Variants in STXBP4 observed in about 807,000 individuals in gnomAD.
STXBP4 encodes the protein syntaxin-binding protein 4.
STXBP4 carries 55 observed loss-of-function variants against 76.1 expected under a neutral mutation model. The observed-to-expected ratio is 0.72, with a 90% CI of 0.58 to 0.91. The LOEUF (loss-of-function observed/expected upper bound fraction) is 0.91. Among genes scored for constraint, STXBP4 ranks in the 40% least tolerant of loss-of-function variants. STXBP4 has a pLI of 0.00. For missense variants in STXBP4, 618 were observed against 636.9 expected (o/e 0.97, Z 0.32); for synonymous variants, 201 against 220.2 (o/e 0.91, Z 0.77).
At chr17:55,086,634 C>T (rs1451404497) in intron 16 of STXBP4, among the ~76,000 whole-genome samples, 3 of 152,022 alleles carry the variant, frequency 2.0e-5, no homozygotes, top group Non-Finnish European at 1.5e-5. Flanking sequence ...TATGGAGACA[C>T]GCACACATAC....
intron 8 of STXBP4, among the ~76,000 whole-genome samples, chr17:55,011,365 C>T (rs1236282767): frequency 6.6e-6 from 1 of 151,758 alleles, no homozygotes; most frequent in African/African-American, 2.4e-5. Context: ...GAATCAGAAC[C>T]TTTGACATTG....
intron 17 of STXBP4, among the ~76,000 whole-genome samples, chr17:55,149,832 G>A (rs546636377): frequency 6.6e-6 from 1 of 152,300 alleles, no homozygotes; most frequent in South Asian, 2.1e-4. Flanking sequence ...GTCATGAAAT[G>A]AAAGACCAGG....
chr17:55,036,841 T>C (rs2078612691), intron 10 of STXBP4, among the ~76,000 whole-genome samples: 1 of 152,150 alleles, frequency 6.6e-6, no homozygotes, highest in Non-Finnish European at 1.5e-5. Flanking sequence ...TATGCTTTAC[T>C]GACAGGAAGT....
chr17:55,152,719 C>T (rs1287375884), intron 17 of STXBP4, among the ~76,000 whole-genome samples: 1 of 152,118 alleles, frequency 6.6e-6, no homozygotes, highest in Non-Finnish European at 1.5e-5. Context: ...TCACCTCCCT[C>T]CCTTGATACT....
chr17:55,160,478 T>C lies in STXBP4; in HGVS notation c.*567T>C, dbSNP rs545983390. The C allele has an allele frequency of 1.3e-5, 2 of 152,756 alleles. No homozygotes were observed. Among genetic ancestry groups the C allele is most frequent in the African/African-American group, 2.4e-5 (1 of 41,568 alleles). The allele number at this position is 152,756 out of a possible 1,614,324, so 9.5% of individuals were successfully genotyped here. A position where few individuals can be genotyped will look rare whatever the true frequency, so the allele number is the denominator to read the frequency against. ...TGTAGACCCCATTGTCTTTAAACCA[T>C]ACAACATGCCCGTGAAGCTGATCTG... is the stretch of plus-strand genomic sequence containing the variant. On this transcript the variant is annotated 3_prime_UTR_variant, in exon 18 of 18. Transcript: ENST00000376352.
chr17:55,156,091 T>A (rs1220566466), intron 17 of STXBP4, among the ~76,000 whole-genome samples: 2 of 152,334 alleles, frequency 1.3e-5, no homozygotes, highest in East Asian at 3.9e-4. Flanking sequence ...ATGCACTGTC[T>A]CTTTAGGAGA....
intron 16 of STXBP4, among the ~76,000 whole-genome samples, chr17:55,090,533 A>G (rs1245690667): frequency 6.6e-6 from 1 of 152,160 alleles, no homozygotes; most frequent in African/African-American, 2.4e-5. Flanking sequence ...GGGTCTACAC[A>G]TTCTTTAAAA....
chr17:55,078,340 A>G (rs1269825344), intron 14 of STXBP4, 146 bp downstream of exon 14: 1 of 600,512 alleles, frequency 1.7e-6, no homozygotes, highest in South Asian at 2.3e-5. Context: ...TTAGAACTGC[A>G]TACATGATGA....
the STXBP4 span, among the ~76,000 whole-genome samples, chr17:55,185,368 T>TC: frequency 2.2e-5 from 3 of 133,778 alleles, no homozygotes; most frequent in African/African-American, 8.0e-5. Context: ...TCCTTCTCCT[T>TC]CTTCTTCTTC....
intron 11 of STXBP4, chr17:55,043,763 T>G: frequency 1.1e-6 from 1 of 951,936 alleles, no homozygotes. Flanking sequence ...TTAATATTAT[T>G]TTAGAGAGGA....
At chr17:55,055,515 C>T (rs906647602) in intron 12 of STXBP4, among the ~76,000 whole-genome samples, 1 of 152,164 alleles carries the variant, frequency 6.6e-6, no homozygotes, top group Non-Finnish European at 1.5e-5. Context: ...CCCTGCCTCA[C>T]TCCCATACTG....
At chr17:55,100,082 G>A (rs1388626063) in intron 16 of STXBP4, among the ~76,000 whole-genome samples, 1 of 152,060 alleles carries the variant, frequency 6.6e-6, no homozygotes, top group Non-Finnish European at 1.5e-5. Flanking sequence ...GGCATAAAAG[G>A]AGCATGAATG....
chr17:55,053,986 G>A (rs1263943036), intron 12 of STXBP4, among the ~76,000 whole-genome samples: 1 of 152,062 alleles, frequency 6.6e-6, no homozygotes, highest in African/African-American at 2.4e-5. Flanking sequence ...AGGAAAAATA[G>A]CAGTTTTTTT....
intron 17 of STXBP4, among the ~76,000 whole-genome samples, chr17:55,158,265 G>A (rs551648842): frequency 2.6e-4 from 39 of 152,214 alleles, no homozygotes; most frequent in Admixed American, 9.2e-4. Flanking sequence ...AAACTCTCGG[G>A]AACATACTTT....
rs1037365026 is a variant in STXBP4, at chr17:55,146,578, A to G, written c.1547+5211A>G. On this transcript the variant is annotated intron_variant, in intron 17 of 17. Transcript: ENST00000376352. Reference sequence around the variant, plus strand: ...AAATACAAAAAAACATTAGCCAGGCATGGTGGCTGGTGCCTGTAGTCCCAG... The same window carrying G: ...AAATACAAAAAAACATTAGCCAGGCGTGGTGGCTGGTGCCTGTAGTCCCAG... Among the ~76,000 whole-genome samples, 34 of 152,132 alleles carry G rather than the reference A, an allele frequency of 2.2e-4. 1 individual carries two copies. Among genetic ancestry groups the G allele is most frequent in the Admixed American group, 1.8e-3 (28 of 15,284 alleles).
chr17:55,157,630 A>G (rs931702803), intron 17 of STXBP4, among the ~76,000 whole-genome samples: 13 of 152,198 alleles, frequency 8.5e-5, no homozygotes, highest in Non-Finnish European at 1.9e-4. Flanking sequence ...AAAGAACTTG[A>G]ACCCTTTTTA....
chr17:55,098,475 T>C (rs1349271518), intron 16 of STXBP4, among the ~76,000 whole-genome samples: 1 of 152,136 alleles, frequency 6.6e-6, no homozygotes, highest in Non-Finnish European at 1.5e-5. Context: ...AAATACCCAG[T>C]AGCTCTCTGC....
chr17:55,020,163 G>A (rs1042974323), intron 8 of STXBP4, among the ~76,000 whole-genome samples: 7 of 151,896 alleles, frequency 4.6e-5, no homozygotes, highest in African/African-American at 1.5e-4. Context: ...AGACAGACTC[G>A]CTCATCTTCT....
At chr17:54,987,347 T>C (rs917799104) in intron 3 of STXBP4, among the ~76,000 whole-genome samples, 5 of 152,206 alleles carry the variant, frequency 3.3e-5, no homozygotes, top group African/African-American at 1.2e-4. Context: ...TAAAAATAAA[T>C]ATACACATAT....
Sources: gnomAD v4.1 joint callset for allele counts (sites outside exome capture counted in the v4.1 genomes callset) on GRCh38, gnomAD v4.1.1 for gene constraint, MANE v1.5 for transcripts, NCBI Gene and HGNC (gene_info 2026-07-23, HGNC 2026-07-21) for gene names.